Variants in DUSP22 observed in about 807,000 individuals in gnomAD.
DUSP22 encodes the protein dual specificity protein phosphatase 22.
Under a neutral mutation model 24.5 loss-of-function variants are expected in DUSP22, and 24 were observed. The observed-to-expected ratio is 0.98, with a 90% CI of 0.71 to 1.38. The LOEUF (loss-of-function observed/expected upper bound fraction) is 1.38. Ranked by LOEUF, DUSP22 falls within the 40% of genes most tolerant of loss-of-function variation. The pLI is 0.00. For synonymous variants in DUSP22, 160 were observed against 106.4 expected, an observed-to-expected ratio of 1.50 and a Z score of -3.10; for missense variants, 330 against 269.2, an observed-to-expected ratio of 1.23 and a Z score of -1.58.
intron 4 of DUSP22, among the ~76,000 whole-genome samples, chr6:344,400 C>G (rs112310920): frequency 5.3e-5 from 8 of 152,298 alleles, no homozygotes; most frequent in Admixed American, 3.9e-4. Context: ...ATCCTCCCAC[C>G]TCGGCCTCCC....
intron 2 of DUSP22, among the ~76,000 whole-genome samples, chr6:309,572 A>C (rs918312422): frequency 6.6e-6 from 1 of 152,294 alleles, no homozygotes; most frequent in Non-Finnish European, 1.5e-5. Flanking sequence ...CTTCTGCTTC[A>C]TCATCAAGGC....
intron 3 of DUSP22, among the ~76,000 whole-genome samples, chr6:329,801 G>T (rs1242170833): frequency 6.6e-6 from 1 of 152,308 alleles, no homozygotes; most frequent in Non-Finnish European, 1.5e-5. Flanking sequence ...TATAGAGAGA[G>T]GCTGTCTCCA....
At chr6:329,451 T>A (rs1238056277) in intron 3 of DUSP22, among the ~76,000 whole-genome samples, 1 of 152,308 alleles carries the variant, frequency 6.6e-6, no homozygotes. Flanking sequence ...ATGGTTACGA[T>A]GGTAAATCTT....
At chr6:330,425 ACT>A (rs1341816824) in intron 3 of DUSP22, among the ~76,000 whole-genome samples, 1 of 152,400 alleles carries the variant, frequency 6.6e-6, no homozygotes, top group East Asian at 1.9e-4. Flanking sequence ...TCTTGAGAAG[ACT>A]CTCCTTCTTA....
intron 1 of DUSP22, among the ~76,000 whole-genome samples, chr6:297,632 A>C (rs1757399954): frequency 6.6e-6 from 1 of 152,310 alleles, no homozygotes; most frequent in Non-Finnish European, 1.5e-5. Flanking sequence ...AATGTCCCTG[A>C]TGTTGGCAGA....
intron 4 of DUSP22, among the ~76,000 whole-genome samples, chr6:342,392 G>C (rs918805428): frequency 3.9e-5 from 6 of 152,302 alleles, no homozygotes; most frequent in African/African-American, 1.4e-4. Flanking sequence ...GCAGCCTGGG[G>C]GACCAAGGAG....
chr6:335,309 A>T (rs1759314008), intron 4 of DUSP22, 146 bp downstream of exon 4: 1 of 1,055,872 alleles, frequency 9.5e-7, no homozygotes, highest in East Asian at 2.6e-5. Flanking sequence ...GAGCCTACAG[A>T]GGCCAACGCT....
intron 1 of DUSP22, 105 bp downstream of exon 1, chr6:292,665 C>T (rs1436304624): frequency 5.5e-6 from 8 of 1,449,856 alleles, no homozygotes; most frequent in Non-Finnish European, 6.4e-6. Context: ...CCCTTTCCCG[C>T]GGTGGGGACG....
chr6:317,635 T>C (rs1472455399), intron 3 of DUSP22, among the ~76,000 whole-genome samples: 2 of 152,422 alleles, frequency 1.3e-5, no homozygotes, highest in Admixed American at 6.5e-5. Flanking sequence ...TTCTGTAGGA[T>C]ATTAAGCATC....
At chr6:316,541 T>G (rs147015787) in intron 3 of DUSP22, among the ~76,000 whole-genome samples, 2,238 of 151,620 alleles carry the variant, frequency 0.015, no homozygotes, top group Non-Finnish European at 0.018. Flanking sequence ...TGGTGAAAAC[T>G]CCTATTGCAA....
intron 5 of DUSP22, among the ~76,000 whole-genome samples, chr6:347,454 C>A (rs1303885904): frequency 6.6e-6 from 1 of 152,308 alleles, no homozygotes. Flanking sequence ...TGACCGCCTT[C>A]ATTTGCATGT....
intron 4 of DUSP22, among the ~76,000 whole-genome samples, chr6:340,108 A>G (rs1447293176): frequency 6.6e-6 from 1 of 152,302 alleles, no homozygotes; most frequent in Non-Finnish European, 1.5e-5. Flanking sequence ...ATGTTGTAGT[A>G]AGTGGTAGAG....
chr6:298,490 A>G (rs1167467414), intron 1 of DUSP22, among the ~76,000 whole-genome samples: 1 of 152,304 alleles, frequency 6.6e-6, no homozygotes, highest in Non-Finnish European at 1.5e-5. Flanking sequence ...CTGAAGGACT[A>G]AAATAAATGT....
intron 1 of DUSP22, among the ~76,000 whole-genome samples, chr6:302,107 T>C (rs2127391537): frequency 6.6e-6 from 1 of 152,414 alleles, no homozygotes; most frequent in South Asian, 2.1e-4. Flanking sequence ...CAGAGAGAAA[T>C]GCAGAAGCCC....
At position 351,080 on chromosome 6, in the gene DUSP22, G is replaced by A; in HGVS notation, c.*2129G>A. On this transcript the variant is annotated 3_prime_UTR_variant, in exon 7 of 7. Coordinates refer to ENST00000419235, the MANE Select transcript of DUSP22 (RefSeq NM_001286555.3). ...TTCCCCTTATCCCCACTGCTGTGGA[G>A]GTTTCTGTACCTCGCTTGGATGCCT... 1 of 772,154 alleles carries A rather than the reference G, an allele frequency of 1.3e-6. No homozygotes were observed. The highest frequency in any genetic ancestry group is 2.8e-5 in the East Asian group (1 of 35,240). The allele number at this position is 772,154 out of a possible 1,614,324, so 47.8% of individuals were successfully genotyped here.
At chr6:314,700 C>A (rs1156382766) in intron 3 of DUSP22, among the ~76,000 whole-genome samples, 1 of 152,308 alleles carries the variant, frequency 6.6e-6, no homozygotes, top group Non-Finnish European at 1.5e-5. Flanking sequence ...CATGTATCAG[C>A]CTTTGTGAGC....
At chr6:346,052 T>G in intron 5 of DUSP22, 124 bp downstream of exon 5, 1 of 1,214,644 alleles carries the variant, frequency 8.2e-7, no homozygotes, top group Non-Finnish European at 1.2e-6. Context: ...ACCCTGACTC[T>G]CAAACGCGTG....
At chr6:310,453 A>G (rs1758027922) in intron 2 of DUSP22, among the ~76,000 whole-genome samples, 1 of 152,304 alleles carries the variant, frequency 6.6e-6, no homozygotes, top group Non-Finnish European at 1.5e-5. Context: ...GGAAGGGAAT[A>G]TAATTTTGTT....
chr6:317,396 A>G (rs1409815590), intron 3 of DUSP22, among the ~76,000 whole-genome samples: 1 of 152,306 alleles, frequency 6.6e-6, no homozygotes. Context: ...AAGCAAGATG[A>G]TAAAGGGTGT....
Sources: allele counts gnomAD v4.1 joint callset (sites outside exome capture counted in the v4.1 genomes callset), GRCh38; gene constraint gnomAD v4.1.1; transcripts MANE v1.5; gene names NCBI Gene and HGNC (gene_info 2026-07-23, HGNC 2026-07-21).